Variants in KLF17 observed in about 807,000 individuals in gnomAD.
The protein encoded by KLF17 is KLF transcription factor 17.
KLF17 carries 31 observed loss-of-function variants against 34.2 expected under a neutral mutation model. The ratio of observed to expected loss-of-function variants is 0.91; its 90% CI spans 0.68 to 1.22. KLF17 has a LOEUF of 1.22. Ranked by LOEUF, KLF17 falls within the 50% of genes most tolerant of loss-of-function variation. The probability of loss-of-function intolerance (pLI) is 0.00; values close to 1 mark genes in which losing one functional copy is unlikely to be tolerated. For synonymous variants in KLF17, 179 were observed against 186.7 expected (o/e 0.96, Z 0.34); for missense variants, 478 against 505.2 (o/e 0.95, Z 0.52).
the KLF17 span, among the ~76,000 whole-genome samples, chr1:44,086,068 G>A: frequency 1.3e-5 from 2 of 152,328 alleles, no homozygotes; most frequent in South Asian, 4.1e-4. Context: ...TAGCCCTGGA[G>A]GAGCATGGGG....
chr1:44,087,724 TTATA>T, the KLF17 span, among the ~76,000 whole-genome samples: 536 of 75,276 alleles, frequency 7.1e-3, 1 homozygote, highest in East Asian at 0.02. Context: ...CCTATATATT[TTATA>T]TATATATATA....
the KLF17 span, among the ~76,000 whole-genome samples, chr1:44,090,237 A>C: frequency 2.8e-5 from 4 of 140,682 alleles, no homozygotes; most frequent in East Asian, 8.7e-4. Context: ...CACACCTGTA[A>C]TCCCAGGCAG....
At chr1:44,126,199 T>G (rs2088006375) in intron 1 of KLF17, among the ~76,000 whole-genome samples, 1 of 152,158 alleles carries the variant, frequency 6.6e-6, no homozygotes, top group South Asian at 2.1e-4. Flanking sequence ...AATTTTTTTG[T>G]ATTTTTAGTG....
chr1:44,103,742 T>C, the KLF17 span: 4 of 1,279,218 alleles, frequency 3.1e-6, no homozygotes, highest in South Asian at 4.8e-5. Flanking sequence ...CACCCTTAAC[T>C]GCCAGCTCCT....
the KLF17 span, among the ~76,000 whole-genome samples, chr1:44,094,592 A>T: frequency 6.6e-6 from 1 of 152,162 alleles, no homozygotes; most frequent in African/African-American, 2.4e-5. Context: ...ATTTATTGAC[A>T]ATACTATCCT....
At chr1:44,100,145 G>A in the KLF17 span, among the ~76,000 whole-genome samples, 1 of 150,878 alleles carries the variant, frequency 6.6e-6, no homozygotes, top group African/African-American at 2.4e-5. Context: ...GTGTGTGCCT[G>A]TAATCCCAGC....
chr1:44,091,630 C>T, the KLF17 span, among the ~76,000 whole-genome samples: 1 of 93,524 alleles, frequency 1.1e-5, no homozygotes. Flanking sequence ...CATGAGACTC[C>T]ATCTCAAAAA....
chr1:44,127,969 G>C (rs2088047671), intron 1 of KLF17, among the ~76,000 whole-genome samples: 1 of 150,716 alleles, frequency 6.6e-6, no homozygotes. Context: ...TATTTGAATG[G>C]ATTGTTCTTT....
In KLF17 at chr1:44,128,936, C is replaced by G. The variant is rs186758394; in HGVS notation, c.82-417C>G. ...CTGAGGCAGGAGAATCACTTGAACC[C>G]GGGAGACAGAGGTCGTGGTGAGCCA... On this transcript the variant is annotated intron_variant, in intron 1 of 3. Coordinates refer to ENST00000372299, the MANE Select transcript of KLF17 (RefSeq NM_173484.4). Among the ~76,000 whole-genome samples the G allele has an allele frequency of 7.7e-3, 1,173 of 151,926 alleles. 5 individuals are homozygous for G. Among genetic ancestry groups the G allele is most frequent in the Non-Finnish European group, 0.012 (809 of 67,996 alleles).
chr1:44,103,391 G>A, the KLF17 span: 1 of 762,232 alleles, frequency 1.3e-6, no homozygotes, highest in South Asian at 1.4e-5. Context: ...TCACAACCAC[G>A]GCCCTGGTGG....
At chr1:44,071,767 G>A in the KLF17 span, among the ~76,000 whole-genome samples, 4 of 152,028 alleles carry the variant, frequency 2.6e-5, no homozygotes, top group South Asian at 2.1e-4. Context: ...ATGGGTCCTC[G>A]TTGGCTCAGC....
the KLF17 span, among the ~76,000 whole-genome samples, chr1:44,099,965 C>G: frequency 0.28 from 34,575 of 121,700 alleles, 7,509 homozygotes; most frequent in Middle Eastern, 0.35. Flanking sequence ...GGCTGGGCAC[C>G]GTTGCTCACG....
At chr1:44,065,650 T>C in the KLF17 span, among the ~76,000 whole-genome samples, 1 of 152,088 alleles carries the variant, frequency 6.6e-6, no homozygotes, top group Non-Finnish European at 1.5e-5. Context: ...TCTCAAGTGA[T>C]CCCCTGCCTT....
the KLF17 span, among the ~76,000 whole-genome samples, chr1:44,047,754 A>G: frequency 6.6e-6 from 1 of 152,266 alleles, no homozygotes; most frequent in African/African-American, 2.4e-5. Context: ...GGTACAAGGA[A>G]TAATTAGATA....
the KLF17 span, among the ~76,000 whole-genome samples, chr1:44,074,645 G>T: frequency 6.6e-6 from 1 of 152,136 alleles, no homozygotes; most frequent in African/African-American, 2.4e-5. Context: ...CATATTTCAC[G>T]AACCAGCACT....
chr1:44,116,748 C>T (rs770252771), upstream of KLF17, among the ~76,000 whole-genome samples: 8 of 152,162 alleles, frequency 5.3e-5, no homozygotes, highest in Non-Finnish European at 1.0e-4. Context: ...ATGTAGGAGT[C>T]CCCAGGCTCT....
chr1:44,117,490 T>C (rs1352308563), upstream of KLF17: 1 of 146,920 alleles, frequency 6.8e-6, no homozygotes, highest in African/African-American at 2.6e-5. Context: ...TTTTATTTTA[T>C]ATTTTATTTT....
the KLF17 span, among the ~76,000 whole-genome samples, chr1:44,112,671 G>T: frequency 6.6e-6 from 1 of 152,170 alleles, no homozygotes; most frequent in South Asian, 2.1e-4. Context: ...GCCTTGCAAA[G>T]TGCTGGGATT....
the KLF17 span, among the ~76,000 whole-genome samples, chr1:44,084,698 T>G: frequency 6.7e-6 from 1 of 150,148 alleles, no homozygotes; most frequent in Admixed American, 6.6e-5. Flanking sequence ...AAAAAAAAGT[T>G]TTTGATTGGT....
Sources: allele counts gnomAD v4.1 joint callset (sites outside exome capture counted in the v4.1 genomes callset), GRCh38; gene constraint gnomAD v4.1.1; transcripts MANE v1.5; gene names NCBI Gene and HGNC (gene_info 2026-07-23, HGNC 2026-07-21).